SRP68: variants seen among roughly 807,000 people sequenced by gnomAD.
SRP68 encodes the protein signal recognition particle subunit SRP68.
In SRP68, 15 loss-of-function variants were observed where a neutral mutation model predicts 82.2. The ratio of observed to expected loss-of-function variants is 0.18; its 90% CI spans 0.12 to 0.28. The LOEUF (loss-of-function observed/expected upper bound fraction) is 0.28, where lower values mean the gene tolerates loss of function less well. Among genes scored for constraint, SRP68 ranks in the 10% least tolerant of loss-of-function variants. SRP68 has a pLI of 1.00. For synonymous variants in SRP68, 261 were observed against 292.6 expected (o/e 0.89, Z 1.10); for missense variants, 595 against 780.5 (o/e 0.76, Z 2.83).
intron 10 of SRP68, among the ~76,000 whole-genome samples, 159 bp downstream of exon 10, chr17:76,047,747 T>C (rs963624591): frequency 6.7e-6 from 1 of 150,018 alleles, no homozygotes; most frequent in African/African-American, 2.5e-5. Flanking sequence ...TGAGATCACA[T>C]CACTGCACTC....
At chr17:76,056,169 T>G (rs2066712782) in intron 8 of SRP68, among the ~76,000 whole-genome samples, 1 of 152,140 alleles carries the variant, frequency 6.6e-6, no homozygotes, top group African/African-American at 2.4e-5. Flanking sequence ...ATTTGGTACG[T>G]GTCTGTAGCC....
chr17:76,070,004 G>T (rs906490764), intron 2 of SRP68, among the ~76,000 whole-genome samples: 1 of 151,792 alleles, frequency 6.6e-6, no homozygotes, highest in Non-Finnish European at 1.5e-5. Flanking sequence ...CTGAACCCGG[G>T]AGGCATGGGC....
chr17:76,040,021 G>A, intron 15 of SRP68, 88 bp from the exon 16 acceptor site: 3 of 1,300,050 alleles, frequency 2.3e-6, no homozygotes, highest in Non-Finnish European at 3.2e-6. Flanking sequence ...CTGGTTCAGA[G>A]CTTTACAGGG....
chr17:76,062,599 C>T (rs59972931), intron 4 of SRP68, among the ~76,000 whole-genome samples: 27 of 73,278 alleles, frequency 3.7e-4, no homozygotes, highest in African/African-American at 1.2e-3. Context: ...ATATAATATA[C>T]ATTATATATT....
At chr17:76,069,923 A>G (rs1256008493) in intron 2 of SRP68, among the ~76,000 whole-genome samples, 1 of 151,726 alleles carries the variant, frequency 6.6e-6, no homozygotes, top group Admixed American at 6.6e-5. Context: ...CTAAAAATAC[A>G]AAAATTAGCC....
intron 7 of SRP68, among the ~76,000 whole-genome samples, chr17:76,059,240 G>T (rs546918585): frequency 1.3e-5 from 2 of 151,966 alleles, no homozygotes; most frequent in Non-Finnish European, 2.9e-5. Context: ...AAGAGACGCT[G>T]TTCAAAAAAA....
At position 76,064,065 on chromosome 17, in the gene SRP68, G is replaced by A. The variant is rs202164432; in HGVS notation, c.472C>T (p.Arg158Cys). 2.5e-6 allele frequency: 4 copies of A among 1,614,216 alleles called. No individual in the cohort carries two copies. Among genetic ancestry groups the A allele is most frequent in the East Asian group, 2.2e-5 (1 of 44,888 alleles). ...EPRKRFHLLS[R>C]LRKAVKHAEE... Reference sequence around the variant, plus strand: ...GCATGCTTCACGGCTTTGCGTAGGCGAGATAACAAGTGAAACCGTTTTCGG... The same window carrying A: ...GCATGCTTCACGGCTTTGCGTAGGCAAGATAACAAGTGAAACCGTTTTCGG... The change falls in exon 4 of 16, where the codon CGC (arginine) becomes TGC (cysteine). Residue 158 changes from arginine (R) to cysteine (C), a missense_variant. By Grantham distance (180) the Arg-to-Cys change is radical. This residue lies in a region of SRP68 where 495 missense variants were observed against 688.6 expected (regional missense o/e 0.72). Transcript: ENST00000307877.
chr17:76,048,132 GAATGA>G, intron 9 of SRP68, 162 bp from the exon 10 acceptor site: 1 of 356,368 alleles, frequency 2.8e-6, no homozygotes, highest in Non-Finnish European at 5.3e-6. Flanking sequence ...ACATAATCTA[GAATGA>G]CAGTGGCACT....
At chr17:76,064,192 G>T in intron 3 of SRP68, 21 bp from the exon 4 acceptor site, 1 of 1,609,586 alleles carries the variant, frequency 6.2e-7, no homozygotes, top group South Asian at 1.1e-5. Context: ...GACAGAAGTG[G>T]GGAGACAATA....
chr17:76,066,463 A>AAT (rs1555629864), intron 3 of SRP68, among the ~76,000 whole-genome samples: 1,520 of 149,082 alleles, frequency 0.01, 42 homozygotes, highest in African/African-American at 0.033. Context: ...AAAAAAAAAA[A>AAT]ACACACCACT....
rs776941586 is a variant in SRP68 at position 76,067,213 on chromosome 17, A to G, written c.365+4T>C. The G allele has an allele frequency of 5.6e-6, 9 of 1,606,688 alleles. No individual in the cohort carries two copies. Among genetic ancestry groups the G allele is most frequent in the East Asian group, 4.5e-5 (2 of 44,838 alleles). On this transcript the variant is annotated splice_donor_region_variant and intron_variant, in intron 3 of 15. Transcript: ENST00000307877. ...ATTTGCAACTAGCATGGAGCAGTCAATACCTATTATCGGTCAGAAGCTCTT... is the reference window on the plus strand; with the variant it reads ...ATTTGCAACTAGCATGGAGCAGTCAGTACCTATTATCGGTCAGAAGCTCTT...
intron 2 of SRP68, among the ~76,000 whole-genome samples, chr17:76,069,903 C>T (rs768971322): frequency 2.2e-4 from 33 of 151,612 alleles, no homozygotes; most frequent in South Asian, 4.2e-4. Flanking sequence ...ATGGCGAAAC[C>T]CCATCTCTAC....
Position 76,039,727 on chromosome 17 carries a change from G to C in SRP68, c.1863C>G (p.Gly621=). The C allele has an allele frequency of 6.2e-7, 1 of 1,613,044 alleles. No individual in the cohort carries two copies. The highest frequency in any genetic ancestry group is 8.5e-7 in the Non-Finnish European group (1 of 1,179,036). The change falls in exon 16 of 16, where the codon GGC becomes GGG. Residue 621 remains glycine (G), a synonymous_variant. Coordinates refer to ENST00000307877, the MANE Select transcript of SRP68 (RefSeq NM_014230.4). ...TKSGLTGYIK[G]IFGFRS is the part of the protein sequence containing the mutation. ...CTGGTTAGCTCCTGAATCCAAAGAT[G>C]CCCTTGATGTATCCAGTGAGGCCAC...
intron 3 of SRP68, 53 bp downstream of exon 3, chr17:76,067,164 C>T (rs2066813105): frequency 7.6e-7 from 1 of 1,321,956 alleles, no homozygotes; most frequent in South Asian, 1.2e-5. Context: ...CGTCATTGTT[C>T]AATAAATGTA....
rs376006756 is a variant in SRP68, at chr17:76,039,897, G to A, written c.1693C>T (p.Pro565Ser). The A allele has an allele frequency of 3.1e-6, 5 of 1,614,106 alleles. No homozygotes were observed. Among genetic ancestry groups the A allele is most frequent in the Non-Finnish European group, 3.4e-6 (4 of 1,180,052 alleles). Residue 565 changes from proline (P) to serine (S), a missense_variant, in exon 16 of 16, where the codon CCT (proline) becomes TCT (serine). Pro to Ser is a moderately conservative substitution (Grantham distance 74). Transcript: ENST00000307877. ...VERFETFCLD[P>S]SLVTKQANLV... ...TTGGCTTGCTTGGTGACAAGGGAAG[G>A]GTCCAGGCAGAATGTCTCAAACCGT... is the stretch of plus-strand genomic sequence containing the variant.
chr17:76,061,836 GA>G lies in SRP68; in HGVS notation c.562-263del, dbSNP rs957508715. ...ATAAGAATAAATTTTAAAAAAAGAA[GA>G]AAAAAAAGAACATGGATATGGGCTG... On this transcript the variant is annotated intron_variant, in intron 4 of 15. Transcript: ENST00000307877. Among the ~76,000 whole-genome samples the G allele has an allele frequency of 1.9e-4, 29 of 151,556 alleles. No homozygotes were observed. In the East Asian group the frequency reaches 3.5e-3, roughly 18 times the overall value.
In SRP68 at chr17:76,040,478, A is replaced by G. The variant is rs2066581218; in HGVS notation, c.1601-4T>C. ...GTTTGATGAGCGTCGTTTGCATCTG[A>G]AAGTTTCACAGGGATTCAGTAAGAA... On this transcript the variant is annotated splice_region_variant and splice_polypyrimidine_tract_variant and intron_variant, in intron 14 of 15. Transcript: ENST00000307877. 1 of 1,613,646 alleles carries G rather than the reference A, an allele frequency of 6.2e-7. No individual in the cohort carries two copies. Among genetic ancestry groups the G allele is most frequent in the South Asian group, 1.1e-5 (1 of 91,072 alleles).
rs2066751183 is a variant in SRP68, at chr17:76,061,382, A to G, written c.644+110T>C. Reference sequence around the variant, plus strand: ...AGAGAATCATCAACATTTCTATAGGAAAGAAAAGTCACCCTCACTTTCACA... The same window carrying G: ...AGAGAATCATCAACATTTCTATAGGGAAGAAAAGTCACCCTCACTTTCACA... On this transcript the variant is annotated intron_variant, in intron 5 of 15. Coordinates refer to ENST00000307877, the MANE Select transcript of SRP68 (RefSeq NM_014230.4). 1.4e-5 allele frequency: 15 copies of G among 1,065,604 alleles called. No homozygotes were observed. The South Asian group carries it at 2.1e-4, about 15-fold the overall frequency. 66.0% of individuals were successfully genotyped at this position (1,065,604 alleles called of 1,614,324 possible).
At position 76,050,443 on chromosome 17, in the gene SRP68, C is replaced by T. The variant is rs145478645; in HGVS notation, c.1062G>A (p.Glu354=). 4 of 1,613,638 alleles carry T rather than the reference C, an allele frequency of 2.5e-6. No homozygotes were observed. Residue 354 remains glutamate (E), a synonymous_variant, in exon 9 of 16, where the codon GAG becomes GAA. Coordinates refer to ENST00000307877, the MANE Select transcript of SRP68 (RefSeq NM_014230.4). ...CRDAIQVVRE[E]LKPDQKQRDY... ...AGGGTCCTACCTGATCTGGCTTGAG[C>T]TCCTCCCGAACCACCTGGATGGCGT...
Sources: allele counts gnomAD v4.1 joint callset (sites outside exome capture counted in the v4.1 genomes callset), GRCh38; gene constraint gnomAD v4.1.1; regional missense constraint gnomAD v4.1.1; transcripts MANE v1.5; gene names NCBI Gene and HGNC (gene_info 2026-07-23, HGNC 2026-07-21).